ZNF609: variants seen among roughly 807,000 people sequenced by gnomAD.
ZNF609 encodes zinc finger protein 609.
Under a neutral mutation model 109.5 loss-of-function variants are expected in ZNF609, and 11 were observed. That is an observed-to-expected ratio of 0.10 (90% CI 0.06 to 0.17). ZNF609 has a LOEUF of 0.17. Among genes scored for constraint, ZNF609 ranks in the 10% least tolerant of loss-of-function variants. The pLI, the probability that ZNF609 is intolerant of heterozygous loss-of-function variation, is 1.00. For synonymous variants in ZNF609, 646 were observed against 662.0 expected (o/e 0.98, Z 0.37); for missense variants, 1,559 against 1,772.4 (o/e 0.88, Z 2.16).
At chr15:64,548,240 CATA>C (rs1894400499) in intron 2 of ZNF609, among the ~76,000 whole-genome samples, 1 of 152,156 alleles carries the variant, frequency 6.6e-6, no homozygotes, top group South Asian at 2.1e-4. Flanking sequence ...TACCAAGTTG[CATA>C]ATTTCTCATT....
intron 2 of ZNF609, among the ~76,000 whole-genome samples, chr15:64,526,984 T>A (rs535630505): frequency 4.0e-4 from 61 of 152,102 alleles, no homozygotes; most frequent in Non-Finnish European, 6.9e-4. Context: ...ATTTATACTG[T>A]AGTTAGAGAT....
upstream of ZNF609, among the ~76,000 whole-genome samples, chr15:64,460,519 G>A (rs1458438850): frequency 6.6e-6 from 1 of 152,120 alleles, no homozygotes; most frequent in African/African-American, 2.4e-5. Context: ...CTCCACACAA[G>A]CGCGGAATCC....
intron 4 of ZNF609, among the ~76,000 whole-genome samples, chr15:64,670,868 A>T (rs1345039915): frequency 6.8e-6 from 1 of 147,748 alleles, no homozygotes; most frequent in Non-Finnish European, 1.5e-5. Context: ...ACAAAAAGCG[A>T]AACTCCATCT....
intron 8 of ZNF609, 122 bp from the exon 9 acceptor site, chr15:64,681,187 C>A (rs1896880169): frequency 1.2e-6 from 1 of 859,726 alleles, no homozygotes; most frequent in East Asian, 2.4e-5. Context: ...TTATCTATCT[C>A]CAGCAAATAT....
intron 1 of ZNF609, among the ~76,000 whole-genome samples, chr15:64,496,230 C>G (rs1301745991): frequency 6.6e-6 from 1 of 152,224 alleles, no homozygotes; most frequent in East Asian, 1.9e-4. Flanking sequence ...TCAGTGAGCA[C>G]TAACATTTTT....
chr15:64,597,729 C>G (rs765193984), intron 2 of ZNF609, among the ~76,000 whole-genome samples: 12 of 152,062 alleles, frequency 7.9e-5, no homozygotes, highest in Non-Finnish European at 1.5e-4. Context: ...TGAATACAGG[C>G]TATCTTTAGG....
intron 2 of ZNF609, among the ~76,000 whole-genome samples, chr15:64,598,375 A>G (rs1247466116): frequency 1.3e-5 from 2 of 152,084 alleles, no homozygotes; most frequent in Non-Finnish European, 2.9e-5. Context: ...TTCAACCTCC[A>G]AAAGTGCTGG....
chr15:64,639,869 T>C (rs1896228069), intron 3 of ZNF609, among the ~76,000 whole-genome samples: 1 of 152,158 alleles, frequency 6.6e-6, no homozygotes, highest in Non-Finnish European at 1.5e-5. Flanking sequence ...GAGCAGATCA[T>C]CCACCCTCTG....
chr15:64,636,996 G>GC (rs1896186394), intron 3 of ZNF609, among the ~76,000 whole-genome samples: 1 of 152,134 alleles, frequency 6.6e-6, no homozygotes, highest in African/African-American at 2.4e-5. Flanking sequence ...TGTGATACCA[G>GC]CACCTAGATG....
At chr15:64,480,220 C>T (rs1893232727) in intron 1 of ZNF609, among the ~76,000 whole-genome samples, 1 of 150,986 alleles carries the variant, frequency 6.6e-6, no homozygotes, top group South Asian at 2.1e-4. Flanking sequence ...GCCTGGGCAA[C>T]AGAGCAAGAC....
intron 2 of ZNF609, among the ~76,000 whole-genome samples, chr15:64,611,965 C>A (rs915073687): frequency 1.3e-5 from 2 of 150,244 alleles, no homozygotes; most frequent in African/African-American, 4.9e-5. Context: ...TTGAACTCCT[C>A]ACCTCATGAT....
intron 2 of ZNF609, among the ~76,000 whole-genome samples, chr15:64,560,378 C>A (rs1274480156): frequency 6.7e-6 from 1 of 148,746 alleles, no homozygotes; most frequent in Non-Finnish European, 1.5e-5. Context: ...TTTTTTTTTT[C>A]CCCCCGCAGA....
chr15:64,681,155 T>C lies in ZNF609; in HGVS notation c.4163-154T>C, dbSNP rs550315229. Among the ~76,000 whole-genome samples the C allele has an allele frequency of 3.3e-5, 5 of 152,192 alleles. No homozygotes were observed. In the East Asian group the frequency reaches 9.6e-4, roughly 29 times the overall value. On this transcript the variant is annotated intron_variant, in intron 8 of 9. Coordinates refer to ENST00000326648, the MANE Select transcript of ZNF609 (RefSeq NM_015042.2). ...GTTCCCCAAAGGCAAAGAGAAACAA[T>C]CAGCTGAGAAATAGAGCCTTATTAT...
chr15:64,575,752 C>A (rs1894941085), intron 2 of ZNF609, among the ~76,000 whole-genome samples: 1 of 152,122 alleles, frequency 6.6e-6, no homozygotes, highest in South Asian at 2.1e-4. Flanking sequence ...AAATTTGGAA[C>A]TTAATCTACA....
At position 64,549,943 on chromosome 15, in the gene ZNF609, G is replaced by A. The variant is rs115233788; in HGVS notation, c.747+49777G>A. ...TGAAACTACAGGTATCTGTCACCAC[G>A]CCAAACTAATTTTTTTCTTTTCTTC... On this transcript the variant is annotated intron_variant, in intron 2 of 9. Transcript: ENST00000326648. Among the ~76,000 whole-genome samples, 134 of 151,950 alleles carry A rather than the reference G, an allele frequency of 8.8e-4. 2 individuals are homozygous for A. Among genetic ancestry groups the A allele is most frequent in the African/African-American group, 3.2e-3 (132 of 41,448 alleles).
At chr15:64,565,661 CTT>C (rs1322005244) in intron 2 of ZNF609, among the ~76,000 whole-genome samples, 1 of 152,092 alleles carries the variant, frequency 6.6e-6, no homozygotes, top group African/African-American at 2.4e-5. Flanking sequence ...CTGATCATCT[CTT>C]TAAGATAAGG....
At chr15:64,678,581 G>A (rs1327717409) in intron 6 of ZNF609, 99 bp downstream of exon 6, 3 of 1,493,426 alleles carry the variant, frequency 2.0e-6, no homozygotes, top group Non-Finnish European at 1.8e-6. Context: ...AAGGCATATT[G>A]AGGCTCGCTT....
chr15:64,521,698 A>G (rs929615021), intron 2 of ZNF609, among the ~76,000 whole-genome samples: 10 of 152,212 alleles, frequency 6.6e-5, no homozygotes, highest in African/African-American at 2.2e-4. Flanking sequence ...TTTTACTAAA[A>G]GCCCATCATT....
intron 2 of ZNF609, among the ~76,000 whole-genome samples, chr15:64,511,717 T>G (rs1893734041): frequency 6.7e-6 from 1 of 149,354 alleles, no homozygotes; most frequent in Admixed American, 6.7e-5. Context: ...GCATGTAATT[T>G]TTTTTTTTTT....
Sources: gnomAD v4.1 joint callset for allele counts (sites outside exome capture counted in the v4.1 genomes callset) on GRCh38, gnomAD v4.1.1 for gene constraint, MANE v1.5 for transcripts, NCBI Gene and HGNC (gene_info 2026-07-23, HGNC 2026-07-21) for gene names.